The following C1GALT1 variants were observed in gnomAD, a reference collection of about 807,000 sequenced individuals.
C1GALT1 encodes glycoprotein-N-acetylgalactosamine 3-beta-galactosyltransferase 1.
C1GALT1 carries 11 observed loss-of-function variants against 31.0 expected under a neutral mutation model. That is an observed-to-expected ratio of 0.36 (90% CI 0.22 to 0.59). C1GALT1 has a LOEUF of 0.59. Ranked by LOEUF, C1GALT1 falls within the 20% of genes least tolerant of loss-of-function variation. C1GALT1 has a pLI of 0.79. For missense variants in C1GALT1, 424 were observed against 425.2 expected (o/e 1.00, Z 0.03); for synonymous variants, 175 against 143.6 (o/e 1.22, Z -1.56).
chr7:7,193,818 T>G (rs545003160), intron 1 of C1GALT1, among the ~76,000 whole-genome samples: 1 of 152,200 alleles, frequency 6.6e-6, no homozygotes, highest in Non-Finnish European at 1.5e-5. Context: ...GCATGGAATG[T>G]GTTTCCATTT....
At position 7,234,430 on chromosome 7, in the gene C1GALT1, C is replaced by G. The variant is rs926475675; in HGVS notation, c.111C>G (p.Thr37=). Residue 37 remains threonine, a synonymous_variant, in exon 2 of 4, where the codon ACC becomes ACG. Coordinates refer to ENST00000436587, the MANE Select transcript of C1GALT1 (RefSeq NM_020156.5). The stretch of plus-strand genomic sequence containing the variant: ...TTTTGTTGGGAGAAAAGGTTGACAC[C>G]CAGCCTAATGTTCTTCATAATGATC... ...FSILLGEKVD[T]QPNVLHNDPH... 1 of 1,613,592 alleles carries G rather than the reference C, an allele frequency of 6.2e-7. No homozygotes were observed. Among genetic ancestry groups the G allele is most frequent in the African/African-American group, 1.3e-5 (1 of 74,850 alleles).
Position 7,174,727 on chromosome 7 carries a change from T to C in C1GALT1, c.-18+17301T>C, listed in dbSNP as rs376716026. On this transcript the variant is annotated intron_variant, in intron 2 of 3. Coordinates refer to the C1GALT1 transcript ENST00000429911. ...ACTGACTCTTCTGCTTGCTCAGTTC[T>C]GTTGCTGAAGCCACTTAGATTTTTT... Among the ~76,000 whole-genome samples the C allele has an allele frequency of 5.3e-5, 8 of 152,270 alleles. No homozygotes were observed. The East Asian group carries it at 9.7e-4, about 18-fold the overall frequency.
At chr7:7,166,154 G>A (rs1780390698) in intron 2 of C1GALT1, among the ~76,000 whole-genome samples, 1 of 152,122 alleles carries the variant, frequency 6.6e-6, no homozygotes, top group Non-Finnish European at 1.5e-5. Context: ...GAAAAACCAA[G>A]ACTCAGGGAG....
chr7:7,203,236 C>G (rs369260275), intron 1 of C1GALT1, among the ~76,000 whole-genome samples: 1 of 151,790 alleles, frequency 6.6e-6, no homozygotes, highest in East Asian at 1.9e-4. Flanking sequence ...ACTTCCAGTA[C>G]TATGTTGAAT....
At chr7:7,231,750 T>G (rs530804966) in intron 1 of C1GALT1, among the ~76,000 whole-genome samples, 1 of 152,168 alleles carries the variant, frequency 6.6e-6, no homozygotes, top group Non-Finnish European at 1.5e-5. Flanking sequence ...CCTGGTTGTT[T>G]TGGACATTGT....
intron 1 of C1GALT1, among the ~76,000 whole-genome samples, chr7:7,191,895 C>T (rs941702839): frequency 6.6e-6 from 1 of 151,860 alleles, no homozygotes; most frequent in Admixed American, 6.6e-5. Flanking sequence ...ATACGATTTG[C>T]CTGTATTTTC....
At chr7:7,216,106 A>T (rs1043771226) in intron 1 of C1GALT1, among the ~76,000 whole-genome samples, 1 of 152,146 alleles carries the variant, frequency 6.6e-6, no homozygotes, top group African/African-American at 2.4e-5. Flanking sequence ...TGCAAAAGAA[A>T]ATGAGTTGCT....
chr7:7,177,545 AG>A (rs1780517699), upstream of C1GALT1, among the ~76,000 whole-genome samples: 1 of 142,846 alleles, frequency 7.0e-6, no homozygotes, highest in Non-Finnish European at 1.6e-5. Flanking sequence ...AAAAAGAAAA[AG>A]GAGCCAGTGA....
intron 1 of C1GALT1, chr7:7,210,470 C>CAGAAGGG (rs1285034172): frequency 1.5e-5 from 2 of 133,666 alleles, no homozygotes; most frequent in Non-Finnish European, 3.1e-5. Flanking sequence ...ATAGGCCAGA[C>CAGAAGGG]AGAAGGGAGA....
intron 3 of C1GALT1, among the ~76,000 whole-genome samples, chr7:7,242,868 G>C (rs1783692340): frequency 6.6e-6 from 1 of 152,046 alleles, no homozygotes; most frequent in Non-Finnish European, 1.5e-5. Flanking sequence ...TTTATTTTAA[G>C]CAAAGGGTAA....
chr7:7,216,053 C>A (rs1462773402), intron 1 of C1GALT1, among the ~76,000 whole-genome samples: 2 of 151,894 alleles, frequency 1.3e-5, no homozygotes, highest in Non-Finnish European at 2.9e-5. Flanking sequence ...CTGAGTTGAT[C>A]TTACAACGCT....
At chr7:7,194,554 T>C (rs991359681) in intron 1 of C1GALT1, among the ~76,000 whole-genome samples, 7 of 152,190 alleles carry the variant, frequency 4.6e-5, no homozygotes, top group Admixed American at 1.3e-4. Flanking sequence ...CTTTCTGATA[T>C]GCTGTTGGAT....
chr7:7,194,296 T>C (rs1781196291), intron 1 of C1GALT1, among the ~76,000 whole-genome samples: 1 of 152,128 alleles, frequency 6.6e-6, no homozygotes, highest in Non-Finnish European at 1.5e-5. Flanking sequence ...TTCAGTATAA[T>C]GTTAGCTGTA....
At chr7:7,161,223 G>C (rs750943088) in intron 2 of C1GALT1, among the ~76,000 whole-genome samples, 4 of 152,026 alleles carry the variant, frequency 2.6e-5, no homozygotes, top group Non-Finnish European at 4.4e-5. Context: ...CAAATTCTCA[G>C]AAACGTTTGC....
chr7:7,200,862 CT>C (rs1349486910), intron 1 of C1GALT1, among the ~76,000 whole-genome samples: 13 of 152,338 alleles, frequency 8.5e-5, no homozygotes, highest in African/African-American at 3.1e-4. Context: ...CATTTAAGGA[CT>C]TCCCTACGCT....
At chr7:7,180,008 G>T (rs1158465358), upstream of C1GALT1, among the ~76,000 whole-genome samples, 2 of 152,118 alleles carry the variant, frequency 1.3e-5, no homozygotes, top group African/African-American at 4.8e-5. Context: ...AAGTCTAGGG[G>T]CATGAATATT....
intron 1 of C1GALT1, among the ~76,000 whole-genome samples, chr7:7,195,061 C>G (rs1781225752): frequency 6.6e-6 from 1 of 152,008 alleles, no homozygotes; most frequent in South Asian, 2.1e-4. Context: ...ATCTTCTTTG[C>G]TTGGTTAATC....
Position 7,203,799 on chromosome 7 carries a change from A to G in C1GALT1, c.-18+20979A>G, listed in dbSNP as rs181903420. 8.5e-5 allele frequency among the ~76,000 whole-genome samples: 13 copies of G among 152,250 alleles called. No homozygotes were observed. In the East Asian group the frequency reaches 1.4e-3, roughly 16 times the overall value. ...GGTAATTAGCATATCCATGATCTCA[A>G]ACACTTCTTTGTGTTGGGAACATTC... On this transcript the variant is annotated intron_variant, in intron 1 of 3. Transcript: ENST00000436587.
intron 1 of C1GALT1, among the ~76,000 whole-genome samples, chr7:7,199,849 A>G (rs1372734706): frequency 6.6e-6 from 1 of 152,096 alleles, no homozygotes; most frequent in Non-Finnish European, 1.5e-5. Flanking sequence ...TTTATCAGAG[A>G]CTAGGATTGC....
Sources: allele counts gnomAD v4.1 joint callset (sites outside exome capture counted in the v4.1 genomes callset), GRCh38; gene constraint gnomAD v4.1.1; transcripts MANE v1.5; gene names NCBI Gene and HGNC (gene_info 2026-07-23, HGNC 2026-07-21).